The following ADAT1 variants were observed in gnomAD, a reference collection of about 807,000 sequenced individuals.
ADAT1 encodes adenosine deaminase tRNA specific 1.
A neutral mutation model predicts 58.6 loss-of-function variants in ADAT1; 58 were observed. The ratio of observed to expected loss-of-function variants is 0.99; its 90% CI spans 0.80 to 1.23. The LOEUF (loss-of-function observed/expected upper bound fraction) is 1.23. Among genes scored for constraint, ADAT1 ranks in the 50% most tolerant of loss-of-function variants. The pLI is 0.00. For missense variants in ADAT1, 741 were observed against 608.6 expected (o/e 1.22, Z -2.29); for synonymous variants, 254 against 220.8 (o/e 1.15, Z -1.33).
chr16:75,619,648 C>A (rs1249624886), intron 3 of ADAT1: 2 of 454,836 alleles, frequency 4.4e-6, no homozygotes, highest in South Asian at 3.1e-5. Context: ...CGGTGGCTCA[C>A]ACCTTTAATC....
chr16:75,618,226 G>A (rs532605095), intron 4 of ADAT1, among the ~76,000 whole-genome samples: 41 of 152,004 alleles, frequency 2.7e-4, no homozygotes, highest in African/African-American at 9.4e-4. Flanking sequence ...TAAATTCTGG[G>A]TGAGGCGCGG....
chr16:75,616,740 A>G (rs1006975253), intron 5 of ADAT1, among the ~76,000 whole-genome samples: 2 of 152,236 alleles, frequency 1.3e-5, no homozygotes, highest in Non-Finnish European at 2.9e-5. Context: ...TATACTCAGT[A>G]TGTCATATCG....
At position 75,622,515 on chromosome 16, in the gene ADAT1, T is replaced by C. The variant is rs918069871; in HGVS notation, c.-134A>G. 43 of 152,044 alleles carry C rather than the reference T, an allele frequency of 2.8e-4. No individual in the cohort carries two copies. The highest frequency in any genetic ancestry group is 2.2e-3 in the Admixed American group (34 of 15,262). The allele number at this position is 152,044 out of a possible 1,614,324, so 9.4% of individuals were successfully genotyped here. A position where few individuals can be genotyped will look rare whatever the true frequency, so the allele number is the denominator to read the frequency against. ...CACAAACCTCGATAGGCAAGGCAGG[T>C]AGAAGTTGCCAGAAGAAACAGTGAC... On this transcript the variant is annotated 5_prime_UTR_variant, in exon 1 of 10. Transcript: ENST00000564657.
Position 75,599,283 on chromosome 16 carries a change from G to C in ADAT1, c.*933C>G. ...TTTTAGTAGAGACAGGGTTTCACCA[G>C]GTTGGCCAGGCTGGTCTTGAACTCC... On this transcript the variant is annotated 3_prime_UTR_variant, in exon 10 of 10. Transcript: ENST00000564657. 1.2e-6 allele frequency: 1 copy of C among 868,722 alleles called. No homozygotes were observed. Among genetic ancestry groups the C allele is most frequent in the Non-Finnish European group, 1.4e-6 (1 of 724,214 alleles). 53.8% of individuals were successfully genotyped at this position (868,722 alleles called of 1,614,324 possible). A position where few individuals can be genotyped will look rare whatever the true frequency, so the allele number is the denominator to read the frequency against.
At chr16:75,614,097 G>A (rs2081633657) in intron 5 of ADAT1, among the ~76,000 whole-genome samples, 1 of 152,108 alleles carries the variant, frequency 6.6e-6, no homozygotes, top group Admixed American at 6.5e-5. Context: ...GGCTAAGGCA[G>A]AACAATCGCT....
At chr16:75,619,210 A>G (rs988166324) in intron 3 of ADAT1, among the ~76,000 whole-genome samples, 2 of 152,196 alleles carry the variant, frequency 1.3e-5, no homozygotes, top group Non-Finnish European at 2.9e-5. Flanking sequence ...GGAACCTGCT[A>G]GCTAGAAGAG....
chr16:75,608,439 CACAG>C (rs1412648894), intron 7 of ADAT1, 116 bp from the exon 8 acceptor site: 8 of 860,212 alleles, frequency 9.3e-6, no homozygotes, highest in Non-Finnish European at 1.5e-5. Flanking sequence ...GATATGATGT[CACAG>C]ACAATGACTG....
intron 5 of ADAT1, among the ~76,000 whole-genome samples, chr16:75,614,407 A>T (rs1409438342): frequency 2.6e-5 from 4 of 152,230 alleles, no homozygotes; most frequent in African/African-American, 9.6e-5. Flanking sequence ...GTCAGTAAGA[A>T]CCACAGCTCT....
chr16:75,609,159 GGAA>G (rs759573168), intron 6 of ADAT1, among the ~76,000 whole-genome samples, 171 bp from the exon 7 acceptor site: 36 of 152,258 alleles, frequency 2.4e-4, no homozygotes, highest in South Asian at 4.1e-4. Flanking sequence ...CCTCATGGCT[GGAA>G]GAAGATCCTT....
intron 2 of ADAT1, 103 bp downstream of exon 2, chr16:75,620,528 A>G (rs1353185851): frequency 6.9e-7 from 1 of 1,459,256 alleles, no homozygotes; most frequent in Non-Finnish European, 9.5e-7. Context: ...TATGCCTAAC[A>G]TCGTAGTTCA....
rs771312344 is a variant in ADAT1 at position 75,608,258 on chromosome 16, T to C, written c.1255A>G (p.Thr419Ala). The C allele has an allele frequency of 3.1e-6, 5 of 1,614,078 alleles. No homozygotes were observed. In the South Asian group the frequency reaches 4.4e-5, roughly 14 times the overall value. The change falls in exon 8 of 10, where the codon ACA becomes GCA. Residue 419 changes from threonine (T) to alanine (A), a missense_variant. Transcript: ENST00000564657. ...DVTANGFPQG[T>A]TKKTIGSLQA... The stretch of plus-strand genomic sequence containing the variant: ...AGGCTTCCAATTGTTTTCTTTGTTG[T>C]TCCCTGTGGAAAGCCATTGGCAGTA...
intron 8 of ADAT1, among the ~76,000 whole-genome samples, chr16:75,605,876 G>A (rs2081354366): frequency 6.8e-6 from 1 of 147,466 alleles, no homozygotes; most frequent in Admixed American, 6.8e-5. Context: ...GGCAGAGGTT[G>A]CAGTGAGCCA....
intron 5 of ADAT1, among the ~76,000 whole-genome samples, chr16:75,614,790 T>G (rs907441973): frequency 5.3e-5 from 8 of 152,200 alleles, no homozygotes; most frequent in Admixed American, 4.6e-4. Flanking sequence ...AGGCACATTC[T>G]CTAGGTAATG....
Position 75,612,317 on chromosome 16 carries a change from G to A in ADAT1, c.969C>T (p.Pro323=). Residue 323 remains proline, a synonymous_variant, in exon 6 of 10, where the codon CCC becomes CCT. Transcript: ENST00000564657. ...CAATGACCACAGCTGACAGGTAGAT[G>A]GGCTCTTCCAGCAAGTGCATCAACA... ...GALLMHLLEE[P]IYLSAVVIGK... is the part of the protein sequence containing the mutation. The A allele has an allele frequency of 1.2e-6, 2 of 1,614,170 alleles. No homozygotes were observed. The highest frequency in any genetic ancestry group is 1.3e-5 in the African/African-American group (1 of 75,034).
chr16:75,603,042 G>C (rs753414662), intron 9 of ADAT1, 43 bp downstream of exon 9: 1 of 1,568,616 alleles, frequency 6.4e-7, no homozygotes, highest in African/African-American at 1.4e-5. Flanking sequence ...AATCAAAACA[G>C]TTGTCTACCT....
At chr16:75,608,451 C>G in intron 7 of ADAT1, 128 bp from the exon 8 acceptor site, 1 of 770,000 alleles carries the variant, frequency 1.3e-6, no homozygotes, top group Non-Finnish European at 2.1e-6. Context: ...CAGACAATGA[C>G]TGCTATTGGA....
At chr16:75,613,960 G>A (rs568051432) in intron 5 of ADAT1, among the ~76,000 whole-genome samples, 1 of 152,254 alleles carries the variant, frequency 6.6e-6, no homozygotes, top group Non-Finnish European at 1.5e-5. Flanking sequence ...GGGAGGCCGA[G>A]GTGGGCGGAT....
rs568618134 is a variant in ADAT1, at chr16:75,598,996, T to A, written c.*1220A>T. 7 of 985,072 alleles carry A rather than the reference T, an allele frequency of 7.1e-6. No homozygotes were observed. The highest frequency in any genetic ancestry group is 8.4e-6 in the Non-Finnish European group (7 of 829,912). The allele number at this position is 985,072 out of a possible 1,614,324, so 61.0% of individuals were successfully genotyped here. A position where few individuals can be genotyped will look rare whatever the true frequency, so the allele number is the denominator to read the frequency against. On this transcript the variant is annotated 3_prime_UTR_variant, in exon 10 of 10. Transcript: ENST00000564657. ...TCAGTCAATCATTCAAGGTCTGAAG[T>A]TGAGTGTTAAACATTCGATGTTAAA...
rs2081907832 is a variant in ADAT1, at chr16:75,620,752, C to T, written c.48G>A (p.Gly16=). The change falls in exon 2 of 10, where the codon GGG becomes GGA. Residue 16 remains glycine, a synonymous_variant. Coordinates refer to ENST00000564657, the MANE Select transcript of ADAT1 (RefSeq NM_001324445.2). ...EIAQLCYEHY[G]IRLPKKGKPE... is the part of the protein sequence containing the mutation. ...GCTTCCCCTTCTTGGGCAGCCTGATCCCATAGTGTTCATAGCATAGCTGAG... is the reference window on the plus strand; with the variant it reads ...GCTTCCCCTTCTTGGGCAGCCTGATTCCATAGTGTTCATAGCATAGCTGAG... The T allele has an allele frequency of 6.2e-7, 1 of 1,614,130 alleles. No individual in the cohort carries two copies. Among genetic ancestry groups the T allele is most frequent in the Non-Finnish European group, 8.5e-7 (1 of 1,180,022 alleles).
Sources: allele counts gnomAD v4.1 joint callset (sites outside exome capture counted in the v4.1 genomes callset), GRCh38; gene constraint gnomAD v4.1.1; transcripts MANE v1.5; gene names NCBI Gene and HGNC (gene_info 2026-07-23, HGNC 2026-07-21).